The following SEMA5A variants were observed in gnomAD, a reference collection of about 807,000 sequenced individuals.
SEMA5A encodes semaphorin-5A.
In SEMA5A, 55 loss-of-function variants were observed where a neutral mutation model predicts 135.5. The observed-to-expected ratio is 0.41, with a 90% CI of 0.33 to 0.51. SEMA5A has a LOEUF of 0.51. Ranked by LOEUF, SEMA5A falls within the 20% of genes least tolerant of loss-of-function variation. SEMA5A has a pLI of 0.37. For synonymous variants in SEMA5A, 580 were observed against 546.5 expected, an observed-to-expected ratio of 1.06 and a Z score of -0.85; for missense variants, 1,290 against 1,419.9, an observed-to-expected ratio of 0.91 and a Z score of 1.47.
At chr5:9,301,624 A>G (rs996272313) in intron 5 of SEMA5A, among the ~76,000 whole-genome samples, 4 of 152,158 alleles carry the variant, frequency 2.6e-5, no homozygotes, top group East Asian at 1.9e-4. Flanking sequence ...CTTTGAGCTC[A>G]TGATTGCAAA....
rs1028803388 is a variant in SEMA5A at position 9,041,375 on chromosome 5, T to C, written c.*1522A>G. 2.6e-5 allele frequency: 4 copies of C among 152,252 alleles called. No individual in the cohort carries two copies. 9.4% of individuals were successfully genotyped at this position (152,252 alleles called of 1,614,324 possible). A position where few individuals can be genotyped will look rare whatever the true frequency, so the allele number is the denominator to read the frequency against. ...GTTTCCGTGTCTACCCAGGACTTTATCACATGCTCAGAGGCATCAGATGAA... is the reference window on the plus strand; with the variant it reads ...GTTTCCGTGTCTACCCAGGACTTTACCACATGCTCAGAGGCATCAGATGAA... On this transcript the variant is annotated 3_prime_UTR_variant, in exon 23 of 23. Transcript: ENST00000382496.
intron 4 of SEMA5A, among the ~76,000 whole-genome samples, chr5:9,320,657 C>G (rs1008830916): frequency 2.0e-5 from 3 of 152,168 alleles, no homozygotes; most frequent in Admixed American, 2.0e-4. Context: ...GGTCAAGGCT[C>G]CAGTGAGCCA....
chr5:9,150,647 C>T (rs1326913161), intron 12 of SEMA5A, among the ~76,000 whole-genome samples: 1 of 152,158 alleles, frequency 6.6e-6, no homozygotes, highest in Non-Finnish European at 1.5e-5. Flanking sequence ...TGTTCTCTCA[C>T]CACTCCCAAC....
intron 1 of SEMA5A, among the ~76,000 whole-genome samples, chr5:9,503,909 T>C (rs1253009157): frequency 6.6e-6 from 1 of 152,140 alleles, no homozygotes; most frequent in African/African-American, 2.4e-5. Flanking sequence ...CACCATTCCC[T>C]CTAATTATAA....
chr5:9,384,643 G>GAT (rs1369848377), intron 2 of SEMA5A, among the ~76,000 whole-genome samples: 1 of 93,918 alleles, frequency 1.1e-5, no homozygotes, highest in African/African-American at 4.2e-5. Flanking sequence ...TAGATAGATA[G>GAT]ATAGATAGAT....
At chr5:9,203,981 G>C (rs557687786) in intron 8 of SEMA5A, among the ~76,000 whole-genome samples, 38 of 146,248 alleles carry the variant, frequency 2.6e-4, no homozygotes, top group Middle Eastern at 3.3e-3. Flanking sequence ...GGTGGTGGGT[G>C]GGGGGGTGTT....
chr5:9,264,518 C>T (rs1749577486), intron 5 of SEMA5A, among the ~76,000 whole-genome samples: 1 of 152,094 alleles, frequency 6.6e-6, no homozygotes, highest in Admixed American at 6.5e-5. Context: ...AATGATTTTA[C>T]AAAGAAATGA....
At chr5:9,329,466 A>C (rs1346949911) in intron 4 of SEMA5A, among the ~76,000 whole-genome samples, 1 of 152,254 alleles carries the variant, frequency 6.6e-6, no homozygotes, top group African/African-American at 2.4e-5. Context: ...GAAAGTCCTC[A>C]TCAGGTAGAG....
At chr5:9,353,118 A>G (rs1392574087) in intron 3 of SEMA5A, among the ~76,000 whole-genome samples, 81 of 64,388 alleles carry the variant, frequency 1.3e-3, no homozygotes, top group African/African-American at 5.4e-3. Context: ...AAAGGAAAGG[A>G]AAGGAAAGGA....
rs770968957 is a variant in SEMA5A, at chr5:9,190,388, C to T, written c.1152G>A (p.Glu384=). The T allele has an allele frequency of 6.2e-7, 1 of 1,614,018 alleles. No individual in the cohort carries two copies. Among genetic ancestry groups the T allele is most frequent in the Non-Finnish European group, 8.5e-7 (1 of 1,180,012 alleles). The change falls in exon 11 of 23, where the codon GAG becomes GAA. Residue 384 remains glutamate (E), a synonymous_variant. Transcript: ENST00000382496. Reference sequence around the variant, plus strand: ...GCACTGTGGTCACTGGCTGTACCACCTCATGCATCAGAATGAACTTCTGAG... The same window carrying T: ...GCACTGTGGTCACTGGCTGTACCACTTCATGCATCAGAATGAACTTCTGAG... ...QDAQKFILMH[E]VVQPVTTVPS...
At chr5:9,390,308 A>T (rs923850588) in intron 2 of SEMA5A, among the ~76,000 whole-genome samples, 1 of 152,258 alleles carries the variant, frequency 6.6e-6, no homozygotes, top group Non-Finnish European at 1.5e-5. Flanking sequence ...CAGACGGAAG[A>T]TATCACCAAA....
intron 15 of SEMA5A, among the ~76,000 whole-genome samples, chr5:9,116,099 C>T (rs1031190400): frequency 6.6e-6 from 1 of 152,132 alleles, no homozygotes; most frequent in African/African-American, 2.4e-5. Flanking sequence ...CTTGGAAGTG[C>T]ATCCTTCCCC....
At chr5:9,410,132 TATTAA>T (rs762879364) in intron 2 of SEMA5A, among the ~76,000 whole-genome samples, 8 of 152,208 alleles carry the variant, frequency 5.3e-5, no homozygotes, top group East Asian at 1.9e-4. Context: ...AATTTGTTTT[TATTAA>T]ATTAAAGAAA....
chr5:9,244,515 C>A (rs961168913), intron 5 of SEMA5A, among the ~76,000 whole-genome samples: 3 of 152,146 alleles, frequency 2.0e-5, no homozygotes, highest in African/African-American at 7.2e-5. Context: ...GAGCTCCTCG[C>A]TGGACCCTAT....
chr5:9,401,078 T>G (rs1414949146), intron 2 of SEMA5A, among the ~76,000 whole-genome samples: 2 of 151,164 alleles, frequency 1.3e-5, no homozygotes, highest in East Asian at 3.9e-4. Context: ...CACTCCAACT[T>G]GTTTATTAAA....
chr5:9,540,327 C>T (rs918744173), intron 1 of SEMA5A, among the ~76,000 whole-genome samples: 2 of 152,002 alleles, frequency 1.3e-5, no homozygotes, highest in African/African-American at 4.8e-5. Flanking sequence ...CGGTGGCTCA[C>T]GCCTGTAATC....
chr5:9,325,816 A>T lies in SEMA5A; in HGVS notation c.225-7399T>A, dbSNP rs569397926. Among the ~76,000 whole-genome samples the T allele has an allele frequency of 2.9e-3, 216 of 74,748 alleles. 6 individuals carry two copies. In the South Asian group the frequency reaches 0.1, roughly 35 times the overall value. 49.0% of individuals were successfully genotyped at this position (74,748 alleles called of 152,430 possible). ...TTGGCCTCTGATGAATATGACTATA[A>T]AATCAAAGAAAAAATTACAAGTTCC... On this transcript the variant is annotated intron_variant, in intron 4 of 22. Transcript: ENST00000382496.
chr5:9,489,424 C>G (rs1452227102), intron 1 of SEMA5A, among the ~76,000 whole-genome samples: 1 of 152,100 alleles, frequency 6.6e-6, no homozygotes, highest in Non-Finnish European at 1.5e-5. Flanking sequence ...GAAACAGGCC[C>G]TGTGTCTGGC....
chr5:9,404,737 TC>T (rs1260669137), intron 2 of SEMA5A, among the ~76,000 whole-genome samples: 1 of 152,200 alleles, frequency 6.6e-6, no homozygotes, highest in African/African-American at 2.4e-5. Context: ...TAGACTAACT[TC>T]TGATAGCTAG....
Sources: gnomAD v4.1 joint callset for allele counts (sites outside exome capture counted in the v4.1 genomes callset) on GRCh38, gnomAD v4.1.1 for gene constraint, MANE v1.5 for transcripts, NCBI Gene and HGNC (gene_info 2026-07-23, HGNC 2026-07-21) for gene names.